Variants in EYS observed in about 807,000 individuals in gnomAD.
EYS encodes the protein protein eyes shut homolog.
EYS carries 250 observed loss-of-function variants against 282.1 expected under a neutral mutation model. The ratio of observed to expected loss-of-function variants is 0.89; its 90% CI spans 0.80 to 0.98. EYS has a LOEUF of 0.98. EYS is among the 50% of genes least tolerant of loss of function. The pLI, the probability that EYS is intolerant of heterozygous loss-of-function variation, is 0.00. For missense variants in EYS, 4,016 were observed against 3,709.0 expected (o/e 1.08, Z -2.15); for synonymous variants, 1,355 against 1,282.9 (o/e 1.06, Z -1.20).
chr6:63,764,674 G>A (rs946599528), intron 40 of EYS, among the ~76,000 whole-genome samples: 6 of 151,434 alleles, frequency 4.0e-5, no homozygotes, highest in African/African-American at 1.5e-4. Context: ...TAGTGTTATG[G>A]GAATAAAACA....
At chr6:64,090,966 T>A (rs1772338207) in intron 31 of EYS, among the ~76,000 whole-genome samples, 1 of 152,100 alleles carries the variant, frequency 6.6e-6, no homozygotes, top group Admixed American at 6.6e-5. Flanking sequence ...GTTTAAAGAG[T>A]CTTCCCTGGT....
intron 31 of EYS, among the ~76,000 whole-genome samples, chr6:64,105,347 A>G (rs1392539688): frequency 2.6e-5 from 4 of 152,092 alleles, no homozygotes; most frequent in Non-Finnish European, 2.9e-5. Flanking sequence ...AATTCAAGAG[A>G]AAAGTAGTTT....
intron 19 of EYS, among the ~76,000 whole-genome samples, chr6:64,827,602 A>G (rs983488500): frequency 6.6e-6 from 1 of 151,916 alleles, no homozygotes; most frequent in African/African-American, 2.4e-5. Context: ...AAGTTAATAC[A>G]GGCATACAAT....
chr6:64,455,949 T>G (rs1775545948), intron 26 of EYS, among the ~76,000 whole-genome samples: 1 of 152,174 alleles, frequency 6.6e-6, no homozygotes, highest in Admixed American at 6.5e-5. Context: ...CCCATTATTT[T>G]ACCCCAGGAA....
chr6:63,929,626 T>C (rs1764827254), intron 35 of EYS, among the ~76,000 whole-genome samples: 1 of 152,236 alleles, frequency 6.6e-6, no homozygotes, highest in Non-Finnish European at 1.5e-5. Context: ...GAAGGCTCTG[T>C]CAACTGCTAT....
intron 22 of EYS, among the ~76,000 whole-genome samples, chr6:64,707,296 A>G (rs990520442): frequency 6.6e-6 from 1 of 152,204 alleles, no homozygotes; most frequent in Non-Finnish European, 1.5e-5. Context: ...CTAAGCTCTG[A>G]GGATGCAAAG....
rs7761862 is a variant in EYS, at chr6:64,548,734, C to T, written c.5644+41489G>A. Among the ~76,000 whole-genome samples, 911 of 151,948 alleles carry T rather than the reference C, an allele frequency of 6.0e-3. 6 individuals are homozygous for T. The highest frequency in any genetic ancestry group is 0.02 in the African/African-American group (824 of 41,410). On this transcript the variant is annotated intron_variant, in intron 26 of 42. Coordinates refer to ENST00000503581, the MANE Select transcript of EYS (RefSeq NM_001142800.2). ...AGGAGATATACCTAATGTTAAATGACGAGTTAATGGGTGCAGCACACCAAC... is the reference window on the plus strand; with the variant it reads ...AGGAGATATACCTAATGTTAAATGATGAGTTAATGGGTGCAGCACACCAAC...
At chr6:64,347,112 G>A (rs1771434972) in intron 29 of EYS, among the ~76,000 whole-genome samples, 1 of 151,194 alleles carries the variant, frequency 6.6e-6, no homozygotes, top group African/African-American at 2.4e-5. Context: ...ACAGTATGAA[G>A]GCACTAGTTT....
chr6:64,799,094 G>C (rs1447267978), intron 22 of EYS, among the ~76,000 whole-genome samples: 1 of 151,786 alleles, frequency 6.6e-6, no homozygotes, highest in South Asian at 2.1e-4. Flanking sequence ...AACTTCAAAA[G>C]GACCCTCTCT....
At chr6:64,091,441 A>C (rs192641210) in intron 31 of EYS, among the ~76,000 whole-genome samples, 102 of 152,292 alleles carry the variant, frequency 6.7e-4, no homozygotes, top group Admixed American at 3.9e-3. Flanking sequence ...GCTTTAATTA[A>C]AAGTGTTCCA....
chr6:65,677,156 G>A (rs556683079), intron 1 of EYS, among the ~76,000 whole-genome samples: 4 of 145,402 alleles, frequency 2.8e-5, no homozygotes, highest in Non-Finnish European at 6.0e-5. Flanking sequence ...TAAGATCAGG[G>A]ATAAGGCAAG....
chr6:64,514,664 C>T (rs1777507161), intron 26 of EYS, among the ~76,000 whole-genome samples: 1 of 151,842 alleles, frequency 6.6e-6, no homozygotes, highest in African/African-American at 2.4e-5. Flanking sequence ...TTGAAAAAAA[C>T]AGATTCTTCA....
intron 26 of EYS, among the ~76,000 whole-genome samples, chr6:64,514,383 G>C (rs368103381): frequency 1.1e-4 from 17 of 151,912 alleles, no homozygotes; most frequent in African/African-American, 3.9e-4. Flanking sequence ...TTGAAAATTA[G>C]GAGACTACAT....
rs1349245516 is a variant in EYS at position 64,593,165 on chromosome 6, T to G, written c.3829A>C (p.Lys1277Gln). 6.5e-7 allele frequency: 1 copy of G among 1,548,990 alleles called. No individual in the cohort carries two copies. Among genetic ancestry groups the G allele is most frequent in the Non-Finnish European group, 8.7e-7 (1 of 1,145,798 alleles). Residue 1277 changes from lysine (K) to glutamine (Q), a missense_variant, in exon 25 of 43, where the codon AAG becomes CAG. By Grantham distance (53) the Lys-to-Gln change is moderately conservative. Coordinates refer to ENST00000503581, the MANE Select transcript of EYS (RefSeq NM_001142800.2). The part of the protein sequence containing the change: ...ETLVSSFPSI[K>Q]ATRIPAIMDT... ...ATTATGGCTGGTATTCTAGTAGCCT[T>G]TATAGATGGAAAGCTGCTGACCAAA...
intron 29 of EYS, among the ~76,000 whole-genome samples, chr6:64,310,112 G>C (rs968448220): frequency 2.0e-5 from 3 of 148,624 alleles, no homozygotes; most frequent in Non-Finnish European, 4.4e-5. Context: ...TGGAGAAAAA[G>C]GAATGCTTAT....
At chr6:64,719,418 A>C (rs575165905) in intron 22 of EYS, among the ~76,000 whole-genome samples, 23 of 152,288 alleles carry the variant, frequency 1.5e-4, no homozygotes, top group Admixed American at 7.8e-4. Context: ...GGAAGAGTAC[A>C]TTGCTATTGG....
At chr6:63,792,145 G>A (rs974863371) in intron 37 of EYS, among the ~76,000 whole-genome samples, 5 of 151,826 alleles carry the variant, frequency 3.3e-5, no homozygotes, top group Admixed American at 1.3e-4. Flanking sequence ...TTAGTTTATA[G>A]GTGCTCCTGC....
intron 12 of EYS, among the ~76,000 whole-genome samples, chr6:65,160,852 C>T (rs1764835700): frequency 1.4e-5 from 2 of 138,584 alleles, no homozygotes; most frequent in African/African-American, 6.0e-5. Context: ...ATTATATTTT[C>T]CCCCAAAACT....
intron 13 of EYS, among the ~76,000 whole-genome samples, chr6:65,055,767 A>G (rs1018650721): frequency 2.6e-5 from 4 of 152,078 alleles, no homozygotes; most frequent in African/African-American, 4.8e-5. Flanking sequence ...AAGGAAGATG[A>G]GAGACAAAAA....
Sources: allele counts gnomAD v4.1 joint callset (sites outside exome capture counted in the v4.1 genomes callset), GRCh38; gene constraint gnomAD v4.1.1; transcripts MANE v1.5; gene names NCBI Gene and HGNC (gene_info 2026-07-23, HGNC 2026-07-21).